Variants in CDC37 observed in about 807,000 individuals in gnomAD.
CDC37 encodes cell division cycle 37, HSP90 cochaperone.
Under a neutral mutation model 46.9 loss-of-function variants are expected in CDC37, and 9 were observed. The ratio of observed to expected loss-of-function variants is 0.19; its 90% CI spans 0.12 to 0.33. The LOEUF is 0.33. CDC37 is among the 10% of genes least tolerant of loss of function. The pLI is 1.00. For missense variants in CDC37, 388 were observed against 514.6 expected, an observed-to-expected ratio of 0.75 and a Z score of 2.38; for synonymous variants, 193 against 191.0, an observed-to-expected ratio of 1.01 and a Z score of -0.09.
Position 10,395,921 on chromosome 19 carries a change from C to A in CDC37, c.378+7G>T, listed in dbSNP as rs1212336704. Reference sequence around the variant, plus strand: ...TGCGCACTGCCCGCCCCGCCCGCCCCGCACACCTTGCTGAAGCCGTCTTTG... The same window carrying A: ...TGCGCACTGCCCGCCCCGCCCGCCCAGCACACCTTGCTGAAGCCGTCTTTG... On this transcript the variant is annotated splice_region_variant and intron_variant, in intron 2 of 7. Transcript: ENST00000222005. 9 of 1,611,898 alleles carry A rather than the reference C, an allele frequency of 5.6e-6. No individual in the cohort carries two copies. In the East Asian group the frequency reaches 1.1e-4, roughly 20 times the overall value.
chr19:10,392,219 T>C (rs1163877015), intron 7 of CDC37, among the ~76,000 whole-genome samples: 1 of 152,234 alleles, frequency 6.6e-6, no homozygotes, highest in African/African-American at 2.4e-5. Context: ...CCGTGAGCCA[T>C]ATGGTCTCCA....
intron 2 of CDC37, 25 bp downstream of exon 2, chr19:10,395,903 T>TGGG: frequency 1.3e-6 from 2 of 1,573,924 alleles, no homozygotes; most frequent in Non-Finnish European, 1.7e-6. Context: ...GCATGCGCAC[T>TGGG]GCCCGCCCCG....
rs1436073044 is a variant in CDC37, at chr19:10,398,014, C to T, written c.103-1811G>A. ...TGGCTCCACCATCACCTCTCCTGAACCTCAGTGGAGGCTGCTCTATCCAGA... is the reference window on the plus strand; with the variant it reads ...TGGCTCCACCATCACCTCTCCTGAATCTCAGTGGAGGCTGCTCTATCCAGA... On this transcript the variant is annotated intron_variant, in intron 1 of 7. Coordinates refer to ENST00000222005, the MANE Select transcript of CDC37 (RefSeq NM_007065.4). The surrounding 1 kb of genome is among the most constrained non-coding windows in gnomAD (Gnocchi z 4.2). Among the ~76,000 whole-genome samples the T allele has an allele frequency of 2.0e-5, 3 of 152,176 alleles. No individual in the cohort carries two copies. Among genetic ancestry groups the T allele is most frequent in the Non-Finnish European group, 2.9e-5 (2 of 68,036 alleles).
rs2042465410 is a variant in CDC37, at chr19:10,392,923, G to A, written c.981+163C>T. 4.7e-6 allele frequency: 3 copies of A among 636,536 alleles called. No individual in the cohort carries two copies. The Admixed American group carries it at 7.8e-5, about 16-fold the overall frequency. The allele number at this position is 636,536 out of a possible 1,614,324, so 39.4% of individuals were successfully genotyped here. A position where few individuals can be genotyped will look rare whatever the true frequency, so the allele number is the denominator to read the frequency against. On this transcript the variant is annotated intron_variant, in intron 7 of 7. Transcript: ENST00000222005. ...TCTGCTGGATACTGGGATACAGTAG[G>A]TGCTCAATATATGTGGGTGTGTGCC...
In CDC37 at chr19:10,395,342, G is replaced by A. The variant is rs1249934134; in HGVS notation, c.489C>T (p.Gly163=). The A allele has an allele frequency of 1.2e-6, 2 of 1,613,806 alleles. No individual in the cohort carries two copies. The highest frequency in any genetic ancestry group is 1.7e-6 in the Non-Finnish European group (2 of 1,179,658). ...GGCTGTCATCCCAGCGGCGAAGCAT[G>A]CCTGTGGGAAGATGCTGGCAAGGTG... The part of the protein sequence containing the change: ...EKYEKQIKHF[G]MLRRWDDSQK... Residue 163 remains glycine, a splice_region_variant and synonymous_variant, in exon 4 of 8, where the codon GGC becomes GGT. Transcript: ENST00000222005.
intron 7 of CDC37, 90 bp from the exon 8 acceptor site, chr19:10,391,796 TC>T: frequency 1.5e-6 from 2 of 1,333,780 alleles, no homozygotes; most frequent in Non-Finnish European, 1.0e-6. Context: ...CAAGCTGGCT[TC>T]CTGCCTATTG....
In CDC37 at chr19:10,395,497, T is replaced by C; in HGVS notation, c.425A>G (p.Glu142Gly). 6.2e-7 allele frequency: 1 copy of C among 1,614,152 alleles called. No homozygotes were observed. Among genetic ancestry groups the C allele is most frequent in the Non-Finnish European group, 8.5e-7 (1 of 1,179,976 alleles). The change falls in exon 3 of 8, where the codon GAG becomes GGG. Residue 142 changes from glutamate to glycine, a missense_variant. Around this residue, in one of 2 missense-constraint regions of CDC37, gnomAD observed 374 missense variants for 467.4 expected, o/e 0.80. Transcript: ENST00000222005. ...GGTCTTGTGTTTCTGCTCCCTCACC[T>C]CCTCTGAGTCCTCCTCCGTCTTCTC... ...KPEKTEEDSEEVREQKHKTFV... is the reference protein window; with the variant it reads ...KPEKTEEDSEGVREQKHKTFV...
At chr19:10,403,323 A>G (rs1274714108) in intron 1 of CDC37, 55 bp downstream of exon 1, 33 of 1,361,940 alleles carry the variant, frequency 2.4e-5, no homozygotes, top group Non-Finnish European at 3.4e-5. Flanking sequence ...ATCGGGGATC[A>G]CAACTCCGAA....
chr19:10,398,274 G>A lies in CDC37; in HGVS notation c.103-2071C>T, dbSNP rs890343844. On this transcript the variant is annotated intron_variant, in intron 1 of 7. Transcript: ENST00000222005. This position sits in a 1 kb window ranked among gnomAD's most constrained non-coding sequence, Gnocchi z 4.2. ...GGCCCTCATCGTTCCCCGAAAGTAC[G>A]GGCTCTGTCTTGCCTCTTGGCCTCT... 1.3e-5 allele frequency among the ~76,000 whole-genome samples: 2 copies of A among 152,188 alleles called. No homozygotes were observed. The highest frequency in any genetic ancestry group is 2.1e-4 in the South Asian group (1 of 4,832).
At position 10,395,299 on chromosome 19, in the gene CDC37, T is replaced by C. The variant is rs781175114; in HGVS notation, c.532A>G (p.Asn178Asp). ...GTCTCCTCGCACACCAGGTGGACGTTGTCTGACAGGTACTTTTGGCTGTCA... is the reference window on the plus strand; with the variant it reads ...GTCTCCTCGCACACCAGGTGGACGTCGTCTGACAGGTACTTTTGGCTGTCA... ...WDDSQKYLSD[N>D]VHLVCEETAN... The change falls in exon 4 of 8, where the codon AAC becomes GAC. Residue 178 changes from asparagine to aspartate, a missense_variant. Coordinates refer to ENST00000222005, the MANE Select transcript of CDC37 (RefSeq NM_007065.4). 6.2e-7 allele frequency: 1 copy of C among 1,614,208 alleles called. No individual in the cohort carries two copies. Among genetic ancestry groups the C allele is most frequent in the Non-Finnish European group, 8.5e-7 (1 of 1,180,028 alleles).
Position 10,395,783 on chromosome 19 carries a change from C to A in CDC37, c.378+145G>T, listed in dbSNP as rs1311786349. On this transcript the variant is annotated intron_variant, in intron 2 of 7. Transcript: ENST00000222005. ...GTCCCCCCTCCCACGTGGCCCCCGT[C>A]CATCCCTCAGCTCCCCGCCCCCCAC... 96 of 413,302 alleles carry A rather than the reference C, an allele frequency of 2.3e-4. 1 individual carries two copies. The East Asian group carries it at 6.8e-3, about 29-fold the overall frequency. The allele number at this position is 413,302 out of a possible 1,614,324, so 25.6% of individuals were successfully genotyped here.
intron 1 of CDC37, among the ~76,000 whole-genome samples, chr19:10,397,734 T>C (rs1257349113): frequency 3.3e-5 from 5 of 152,148 alleles, no homozygotes; most frequent in Non-Finnish European, 2.9e-5. Context: ...GTTCCACCCA[T>C]AACCTTGCCC....
At position 10,396,370 on chromosome 19, in the gene CDC37, C is replaced by T. The variant is rs1334218871; in HGVS notation, c.103-167G>A. 6.6e-6 allele frequency among the ~76,000 whole-genome samples: 1 copy of T among 152,214 alleles called. No individual in the cohort carries two copies. Among genetic ancestry groups the T allele is most frequent in the Non-Finnish European group, 1.5e-5 (1 of 68,046 alleles). On this transcript the variant is annotated intron_variant, in intron 1 of 7. Coordinates refer to ENST00000222005, the MANE Select transcript of CDC37 (RefSeq NM_007065.4). This position sits in a 1 kb window ranked among gnomAD's most constrained non-coding sequence, Gnocchi z 5.9. ...GCGCCCACAGGTGCCAGCGCACACC[C>T]AAGTGGGGTCAGGTCCCTCCGTCCT...
intron 7 of CDC37, among the ~76,000 whole-genome samples, chr19:10,391,988 G>A (rs2042459542): frequency 6.6e-6 from 1 of 152,196 alleles, no homozygotes; most frequent in Admixed American, 6.5e-5. Flanking sequence ...TTTTAGTAGA[G>A]ATGGGGTTTT....
At position 10,399,931 on chromosome 19, in the gene CDC37, TAAAAAAAAAAA is replaced by T. The variant is rs56162717; in HGVS notation, c.102+3436_102+3446del. On this transcript the variant is annotated intron_variant, in intron 1 of 7. Transcript: ENST00000222005. ...TGGGCAACAGAGTGAGACTCCGTCT[TAAAAAAAAAAA>T]AAAAAAAAAAAAAAGCAGCTGTGGC... Among the ~76,000 whole-genome samples, 81 of 48,320 alleles carry T rather than the reference TAAAAAAAAAAA, an allele frequency of 1.7e-3. 2 individuals are homozygous for T. In the South Asian group the frequency reaches 0.02, roughly 12 times the overall value. The allele number at this position is 48,320 out of a possible 152,430, so 31.7% of individuals were successfully genotyped here.
In CDC37 at chr19:10,393,205, T is replaced by TG. The variant is rs1568353822; in HGVS notation, c.910-49dup. On this transcript the variant is annotated intron_variant, in intron 6 of 7. Coordinates refer to ENST00000222005, the MANE Select transcript of CDC37 (RefSeq NM_007065.4). The surrounding 1 kb of genome is among the most constrained non-coding windows in gnomAD (Gnocchi z 4.9). Reference sequence around the variant, plus strand: ...GTCAGGGGCTGGGTCCCTGTGGCCCTGGGGGGTCCCGCTCAGGGTCTTCCT... The same window carrying TG: ...GTCAGGGGCTGGGTCCCTGTGGCCCTGGGGGGGTCCCGCTCAGGGTCTTCCT... 3.7e-6 allele frequency: 6 copies of TG among 1,612,208 alleles called. No individual in the cohort carries two copies. Among genetic ancestry groups the TG allele is most frequent in the Admixed American group, 3.3e-5 (2 of 59,958 alleles).
chr19:10,402,157 CAAAA>C (rs753021871), intron 1 of CDC37, among the ~76,000 whole-genome samples: 43 of 63,832 alleles, frequency 6.7e-4, no homozygotes, highest in Middle Eastern at 0.019. Flanking sequence ...AACTTCGTCT[CAAAA>C]AAAAAAAAAA....
At chr19:10,400,825 G>T (rs1434966736) in intron 1 of CDC37, 1 of 146,176 alleles carries the variant, frequency 6.8e-6, no homozygotes, top group African/African-American at 2.5e-5. Context: ...ACCACATGTG[G>T]CTACAGATTT....
In CDC37 at chr19:10,391,481, G is replaced by C. The variant is rs1417408609; in HGVS notation, c.*70C>G. 5 of 1,573,466 alleles carry C rather than the reference G, an allele frequency of 3.2e-6. No homozygotes were observed. The African/African-American group carries it at 4.1e-5, about 13-fold the overall frequency. On this transcript the variant is annotated 3_prime_UTR_variant, in exon 8 of 8. Transcript: ENST00000222005. ...GAGGAAGTCAGGAGCGGGCGAGATG[G>C]CATCTATCTGTTTTCTGAAAAGGGG...
Sources: allele counts gnomAD v4.1 joint callset (sites outside exome capture counted in the v4.1 genomes callset), GRCh38; gene constraint gnomAD v4.1.1; regional missense constraint gnomAD v4.1.1; non-coding constraint Gnocchi (gnomAD v3.1); transcripts MANE v1.5; gene names NCBI Gene and HGNC (gene_info 2026-07-23, HGNC 2026-07-21).